Variants in MYO9B observed in about 807,000 individuals in gnomAD.
MYO9B encodes unconventional myosin-IXb.
In MYO9B, 71 loss-of-function variants were observed where a neutral mutation model predicts 229.5. The ratio of observed to expected loss-of-function variants is 0.31; its 90% CI spans 0.26 to 0.38. The LOEUF is 0.38. Among genes scored for constraint, MYO9B ranks in the 10% least tolerant of loss-of-function variants. The pLI is 1.00. For synonymous variants in MYO9B, 1,185 were observed against 1,235.8 expected (o/e 0.96, Z 0.86); for missense variants, 2,255 against 2,920.5 (o/e 0.77, Z 5.25).
intron 2 of MYO9B, among the ~76,000 whole-genome samples, chr19:17,133,913 A>T (rs2072234022): frequency 6.6e-6 from 1 of 152,052 alleles, no homozygotes; most frequent in Admixed American, 6.6e-5. Context: ...GGCACCCGCC[A>T]CCACGCCCGG....
Position 17,192,950 on chromosome 19 carries a change from G to A in MYO9B, c.3016G>A (p.Val1006Met), listed in dbSNP as rs765214876. The change falls in exon 21 of 40, where the codon GTG (valine) becomes ATG (methionine). Residue 1006 changes from valine to methionine, a missense_variant. Physicochemically the swap from Val to Met is conservative, Grantham distance 21. Transcript: ENST00000682292. ...GGCGCTGGAGAGGACGCAGGCTGCC[G>A]TGTACCTCCAGGCCTCATGGAGGGG... is the stretch of plus-strand genomic sequence containing the variant. ...RRALERTQAA[V>M]YLQASWRGYW... The A allele has an allele frequency of 1.6e-5, 25 of 1,541,304 alleles. No individual in the cohort carries two copies. The African/African-American group carries it at 2.1e-4, about 13-fold the overall frequency.
intron 17 of MYO9B, 66 bp downstream of exon 17, chr19:17,185,053 G>C: frequency 2.5e-6 from 4 of 1,606,372 alleles, no homozygotes; most frequent in African/African-American, 1.3e-5. Flanking sequence ...AGCTTCACCC[G>C]ACACCGAGCA....
intron 1 of MYO9B, among the ~76,000 whole-genome samples, chr19:17,098,892 T>G (rs1160129666): frequency 7.1e-6 from 1 of 140,476 alleles, no homozygotes; most frequent in Non-Finnish European, 1.5e-5. Context: ...GCCGTGATCA[T>G]GCCAATGCAC....
Position 17,192,940 on chromosome 19 carries a change from G to C in MYO9B, c.3006G>C (p.Thr1002=), listed in dbSNP as rs1417067579. 1.9e-6 allele frequency: 3 copies of C among 1,544,526 alleles called. No homozygotes were observed. In the Middle Eastern group the frequency reaches 5.1e-4, roughly 260 times the overall value. Residue 1002 remains threonine (T), a synonymous_variant, in exon 21 of 40, where the codon ACG becomes ACC. Coordinates refer to ENST00000682292, the MANE Select transcript of MYO9B (RefSeq NM_004145.4). ...GGGTCCGGAGGGCGCTGGAGAGGAC[G>C]CAGGCTGCCGTGTACCTCCAGGCCT... is the stretch of plus-strand genomic sequence containing the variant. ...SYRVRRALER[T]QAAVYLQASW...
Position 17,154,360 on chromosome 19 carries a change from G to A in MYO9B, c.1144G>A (p.Glu382Lys). 1 of 1,613,396 alleles carries A rather than the reference G, an allele frequency of 6.2e-7. No individual in the cohort carries two copies. Among genetic ancestry groups the A allele is most frequent in the Non-Finnish European group, 8.5e-7 (1 of 1,179,428 alleles). The change falls in exon 6 of 40, where the codon GAG becomes AAG. Residue 382 changes from glutamate (E) to lysine (K), a missense_variant. Physicochemically the swap from Glu to Lys is moderately conservative, Grantham distance 56. Coordinates refer to ENST00000682292, the MANE Select transcript of MYO9B (RefSeq NM_004145.4). The stretch of plus-strand genomic sequence containing the variant: ...TGGGGAGGACCTGAAGCATGACTTT[G>A]AGAGGCTCAAGCAGGCCATGGAGAT... The part of the protein sequence containing the change: ...EDGEDLKHDF[E>K]RLKQAMEMVG...
intron 1 of MYO9B, among the ~76,000 whole-genome samples, chr19:17,080,177 T>A (rs1292862658): frequency 6.6e-6 from 1 of 152,208 alleles, no homozygotes; most frequent in Non-Finnish European, 1.5e-5. Context: ...ATCTCTGCCC[T>A]GCTGCACAGG....
Position 17,205,975 on chromosome 19 carries a change from G to A in MYO9B, c.5080G>A (p.Glu1694Lys), listed in dbSNP as rs1259087349. 24 of 1,567,054 alleles carry A rather than the reference G, an allele frequency of 1.5e-5. No individual in the cohort carries two copies. Among genetic ancestry groups the A allele is most frequent in the Non-Finnish European group, 2.1e-5 (24 of 1,153,774 alleles). ...GGCACTGCAGGGCGAGCCAGGCGTT[G>A]AGCCTGGCCACTTCGGCGTGTGCGT... ...TYGRKGEPGV[E>K]PGHFGVCVDS... The change falls in exon 32 of 40, where the codon GAG becomes AAG. Residue 1694 changes from glutamate (E) to lysine (K), a missense_variant. Physicochemically the swap from Glu to Lys is moderately conservative, Grantham distance 56. Coordinates refer to ENST00000682292, the MANE Select transcript of MYO9B (RefSeq NM_004145.4).
In MYO9B at chr19:17,172,833, C is replaced by T. The variant is rs747562657; in HGVS notation, c.2010C>T (p.Tyr670=). The change falls in exon 13 of 40, where the codon TAC becomes TAT. Residue 670 remains tyrosine, a synonymous_variant. Coordinates refer to ENST00000682292, the MANE Select transcript of MYO9B (RefSeq NM_004145.4). The surrounding 1 kb of genome is among the most constrained non-coding windows in gnomAD (Gnocchi z 8.2). The part of the protein sequence containing the change: ...VALLRGSDSS[Y]VRELIGMDPV... ...TGCTGCGGGGCAGTGACAGCTCCTA[C>T]GTGCGGGAGCTCATCGGCATGGACC... The T allele has an allele frequency of 5.7e-5, 92 of 1,612,108 alleles. No homozygotes were observed. The Middle Eastern group carries it at 8.2e-4, about 14-fold the overall frequency.
At chr19:17,174,274 G>A (rs566721323) in intron 13 of MYO9B, among the ~76,000 whole-genome samples, 7 of 151,856 alleles carry the variant, frequency 4.6e-5, no homozygotes, top group South Asian at 2.1e-4. Flanking sequence ...CTCACGATCC[G>A]TCTGGCTCGG....
chr19:17,125,125 C>T (rs112258669), intron 2 of MYO9B, among the ~76,000 whole-genome samples: 10,057 of 152,072 alleles, frequency 0.066, 520 homozygotes, highest in African/African-American at 0.13. Context: ...CATAATGAAA[C>T]CCCATCTCTA....
intron 14 of MYO9B, among the ~76,000 whole-genome samples, chr19:17,176,603 C>A (rs1454719861): frequency 2.0e-5 from 3 of 152,106 alleles, no homozygotes; most frequent in South Asian, 4.1e-4. Context: ...GTGCATCATG[C>A]GCTTTAGGGA....
At chr19:17,098,987 A>G (rs1301827882) in intron 1 of MYO9B, among the ~76,000 whole-genome samples, 1 of 151,908 alleles carries the variant, frequency 6.6e-6, no homozygotes, top group Non-Finnish European at 1.5e-5. Context: ...AGGAAAAAAA[A>G]AAAAAAGGGC....
At chr19:17,146,742 G>T (rs751978697) in intron 3 of MYO9B, among the ~76,000 whole-genome samples, 9 of 152,106 alleles carry the variant, frequency 5.9e-5, no homozygotes, top group Non-Finnish European at 1.2e-4. Flanking sequence ...TTGATCAGTG[G>T]ATCCATGGAT....
chr19:17,142,848 C>A (rs2145222849), intron 2 of MYO9B, among the ~76,000 whole-genome samples: 1 of 152,220 alleles, frequency 6.6e-6, no homozygotes, highest in East Asian at 1.9e-4. Context: ...AAGCATCAGA[C>A]CAGATTTGGC....
intron 1 of MYO9B, among the ~76,000 whole-genome samples, chr19:17,081,676 G>T (rs1419753505): frequency 1.3e-5 from 2 of 151,970 alleles, no homozygotes; most frequent in Non-Finnish European, 2.9e-5. Context: ...GGGTGTAGTG[G>T]CACACACCTG....
At chr19:17,142,021 T>C (rs1444186800) in intron 2 of MYO9B, among the ~76,000 whole-genome samples, 2 of 151,774 alleles carry the variant, frequency 1.3e-5, no homozygotes, top group African/African-American at 4.8e-5. Context: ...TACAAAAAAT[T>C]TTAAAAATTA....
intron 32 of MYO9B, 29 bp downstream of exon 32, chr19:17,206,181 G>A (rs1257606973): frequency 5.6e-6 from 9 of 1,607,776 alleles, no homozygotes; most frequent in Non-Finnish European, 7.6e-6. Flanking sequence ...TGGGTGCAGT[G>A]CCAGGCCCCA....
intron 10 of MYO9B, among the ~76,000 whole-genome samples, chr19:17,165,240 A>T (rs997402731): frequency 6.6e-6 from 1 of 152,040 alleles, no homozygotes; most frequent in Non-Finnish European, 1.5e-5. Context: ...ACATATCTGT[A>T]GTCCCAACTA....
chr19:17,142,166 T>A (rs116831920), intron 2 of MYO9B, among the ~76,000 whole-genome samples: 36,037 of 144,826 alleles, frequency 0.25, 5,066 homozygotes, highest in African/African-American at 0.39. Context: ...CCCTGCCTTT[T>A]AAAAAAAAAA....
Sources: gnomAD v4.1 joint callset for allele counts (sites outside exome capture counted in the v4.1 genomes callset) on GRCh38, gnomAD v4.1.1 for gene constraint, Gnocchi (gnomAD v3.1) non-coding constraint, MANE v1.5 for transcripts, NCBI Gene and HGNC (gene_info 2026-07-23, HGNC 2026-07-21) for gene names.